Variants in CACNA1B observed in about 807,000 individuals in gnomAD.
CACNA1B encodes the protein calcium voltage-gated channel subunit alpha1 B, also known as voltage-dependent N-type calcium channel subunit alpha-1B.
CACNA1B carries 70 observed loss-of-function variants against 247.2 expected under a neutral mutation model. The observed-to-expected ratio is 0.28, with a 90% confidence interval of 0.23 to 0.35. CACNA1B has a LOEUF of 0.35. Ranked by LOEUF, CACNA1B falls within the 10% of genes least tolerant of loss-of-function variation. CACNA1B has a pLI of 1.00. For synonymous variants in CACNA1B, 1,231 were observed against 1,294.4 expected, an observed-to-expected ratio of 0.95 and a Z score of 1.05; for missense variants, 2,367 against 3,197.4, an observed-to-expected ratio of 0.74 and a Z score of 6.26.
At chr9:138,096,372 G>A in intron 36 of CACNA1B, 112 bp from the exon 37 acceptor site, 1 of 861,090 alleles carries the variant, frequency 1.2e-6, no homozygotes, top group Non-Finnish European at 1.9e-6. Flanking sequence ...GGTCAAATCA[G>A]AGTGACCCCT....
rs1360855628 is a variant in CACNA1B at position 138,059,969 on chromosome 9, C to G, written c.4668+232C>G. On this transcript the variant is annotated intron_variant, in intron 31 of 46. Transcript: ENST00000371372. This position sits in a 1 kb window ranked among gnomAD's most constrained non-coding sequence, Gnocchi z 4.2. ...CTCAAAGATCTTTTGGGCTGCTGGC[C>G]TGAGAGTTACCTGGAGCTCCATGGT... Among the ~76,000 whole-genome samples, 1 of 152,174 alleles carries G rather than the reference C, an allele frequency of 6.6e-6. No homozygotes were observed. Among genetic ancestry groups the G allele is most frequent in the East Asian group, 1.9e-4 (1 of 5,196 alleles).
Position 137,888,653 on chromosome 9 carries a change from G to C in CACNA1B, c.530+5770G>C, listed in dbSNP as rs779479597. ...AGAGCCCAGCTTTCTCCCTGGACCC[G>C]GCCTCCTGTGGGTTGAAGAGAGGGT... On this transcript the variant is annotated intron_variant, in intron 3 of 46. Coordinates refer to ENST00000371372, the MANE Select transcript of CACNA1B (RefSeq NM_000718.4). The surrounding 1 kb of genome is among the most constrained non-coding windows in gnomAD (Gnocchi z 4.7). Among the ~76,000 whole-genome samples, 2 of 152,172 alleles carry C rather than the reference G, an allele frequency of 1.3e-5. No homozygotes were observed. The highest frequency in any genetic ancestry group is 2.9e-5 in the Non-Finnish European group (2 of 68,024).
At chr9:137,929,512 G>A (rs1051693264) in intron 6 of CACNA1B, among the ~76,000 whole-genome samples, 9 of 152,064 alleles carry the variant, frequency 5.9e-5, no homozygotes, top group African/African-American at 2.2e-4. Context: ...CCAGGATAGC[G>A]CCACTGCACT....
intron 6 of CACNA1B, among the ~76,000 whole-genome samples, chr9:137,945,328 C>T (rs1183606921): frequency 6.6e-6 from 1 of 152,176 alleles, no homozygotes; most frequent in Non-Finnish European, 1.5e-5. Context: ...AAGTGGAGGT[C>T]CTACTAGGTG....
intron 31 of CACNA1B, among the ~76,000 whole-genome samples, chr9:138,063,268 A>G (rs1959797289): frequency 6.6e-6 from 1 of 152,224 alleles, no homozygotes; most frequent in Admixed American, 6.5e-5. Context: ...CAAGGTAGAA[A>G]GATCACTTCA....
Position 138,012,000 on chromosome 9 carries a change from GA to G in CACNA1B, c.2161-1127del. ...GTCTCAGCCGAGAACTATTGATCCG[GA>G]ACCCAGGTGCCGAGCATGTTGGTCT... is the stretch of plus-strand genomic sequence containing the variant. On this transcript the variant is annotated intron_variant, in intron 17 of 46. Transcript: ENST00000371372. This position sits in a 1 kb window ranked among gnomAD's most constrained non-coding sequence, Gnocchi z 4.2. 6.6e-6 allele frequency among the ~76,000 whole-genome samples: 1 copy of G among 152,212 alleles called. No homozygotes were observed. Among genetic ancestry groups the G allele is most frequent in the Admixed American group, 6.5e-5 (1 of 15,286 alleles).
intron 24 of CACNA1B, among the ~76,000 whole-genome samples, chr9:138,049,836 T>C (rs1959217711): frequency 6.6e-6 from 1 of 152,208 alleles, no homozygotes; most frequent in Non-Finnish European, 1.5e-5. Context: ...TTGGCCCTGC[T>C]GTGGCTGGAA....
rs778963606 is a variant in CACNA1B at position 138,121,419 on chromosome 9, T to C, written c.6490-50T>C. 1.0e-5 allele frequency: 3 copies of C among 294,370 alleles called. No individual in the cohort carries two copies. The highest frequency in any genetic ancestry group is 9.4e-6 in the Non-Finnish European group (2 of 212,306). 18.2% of individuals were successfully genotyped at this position (294,370 alleles called of 1,614,324 possible). The stretch of plus-strand genomic sequence containing the variant: ...ATGTGCTCTGTCTGTTGGTTCGGCT[T>C]TTTTTTTTTTTTTTTTACCTCTGAT... On this transcript the variant is annotated intron_variant, in intron 46 of 46. Coordinates refer to ENST00000371372, the MANE Select transcript of CACNA1B (RefSeq NM_000718.4). The surrounding 1 kb of genome is among the most constrained non-coding windows in gnomAD (Gnocchi z 6.8).
rs1435580250 is a variant in CACNA1B at position 137,888,390 on chromosome 9, C to T, written c.530+5507C>T. Reference sequence around the variant, plus strand: ...CAGGAAGCCCCTGTCAAGCCTCTGGCCCTGTGGGGCTGGTTGCACCTGGGG... The same window carrying T: ...CAGGAAGCCCCTGTCAAGCCTCTGGTCCTGTGGGGCTGGTTGCACCTGGGG... On this transcript the variant is annotated intron_variant, in intron 3 of 46. Transcript: ENST00000371372. This position sits in a 1 kb window ranked among gnomAD's most constrained non-coding sequence, Gnocchi z 4.7. 1.3e-5 allele frequency among the ~76,000 whole-genome samples: 2 copies of T among 152,152 alleles called. No individual in the cohort carries two copies. Among genetic ancestry groups the T allele is most frequent in the Admixed American group, 1.3e-4 (2 of 15,284 alleles).
chr9:138,051,429 A>C lies in CACNA1B; in HGVS notation c.3711-663A>C, dbSNP rs1174224847. Among the ~76,000 whole-genome samples the C allele has an allele frequency of 1.3e-5, 2 of 150,850 alleles. No individual in the cohort carries two copies. Among genetic ancestry groups the C allele is most frequent in the African/African-American group, 2.4e-5 (1 of 40,872 alleles). ...TCCTGTCTGCTGCTTTCTGGGTAGC[A>C]TTGATATGTCTGTCTCTATGGCTCT... On this transcript the variant is annotated intron_variant, in intron 24 of 46. Coordinates refer to ENST00000371372, the MANE Select transcript of CACNA1B (RefSeq NM_000718.4). The surrounding 1 kb of genome is among the most constrained non-coding windows in gnomAD (Gnocchi z 4.3).
intron 36 of CACNA1B, among the ~76,000 whole-genome samples, chr9:138,092,750 GACAGGCATAAGAAATTATAAAAGTATT>G (rs1206551286): frequency 2.0e-5 from 3 of 152,298 alleles, no homozygotes; most frequent in African/African-American, 7.2e-5. Flanking sequence ...TTGCAGTAAA[GACAGGCATAAGAAATTATAAAAGTATT>G]AATTTGGGGA....
chr9:138,090,536 A>G (rs1960840514), intron 36 of CACNA1B, among the ~76,000 whole-genome samples: 1 of 152,004 alleles, frequency 6.6e-6, no homozygotes, highest in African/African-American at 2.4e-5. Context: ...CAGGCAACCA[A>G]AGCACAAATA....
intron 10 of CACNA1B, among the ~76,000 whole-genome samples, chr9:137,965,874 T>C (rs1488053555): frequency 1.3e-5 from 2 of 152,230 alleles, no homozygotes; most frequent in East Asian, 3.8e-4. Context: ...TGAGCCACTG[T>C]GCCCAGCTCA....
At position 137,956,622 on chromosome 9, in the gene CACNA1B, C is replaced by T. The variant is rs1957952145; in HGVS notation, c.1187-149C>T. On this transcript the variant is annotated intron_variant, in intron 8 of 46. Transcript: ENST00000371372. ...TGAGCCGAGATTGTGCCACTGCACTCCAGCCTGGGTGACAGAGCGAGACTC... is the reference window on the plus strand; with the variant it reads ...TGAGCCGAGATTGTGCCACTGCACTTCAGCCTGGGTGACAGAGCGAGACTC... The T allele has an allele frequency of 7.3e-6, 4 of 548,324 alleles. No individual in the cohort carries two copies. In the East Asian group the frequency reaches 1.3e-4, roughly 18 times the overall value. 34.0% of individuals were successfully genotyped at this position (548,324 alleles called of 1,614,324 possible).
intron 6 of CACNA1B, among the ~76,000 whole-genome samples, chr9:137,945,718 A>G (rs1364346252): frequency 6.6e-6 from 1 of 152,284 alleles, no homozygotes; most frequent in Non-Finnish European, 1.5e-5. Flanking sequence ...AACATAAATT[A>G]TACAACATTT....
chr9:138,053,872 C>G lies in CACNA1B; in HGVS notation c.3834C>G (p.Ser1278=). ...LKAVFDCVVN[S]LKNVLNILIV... ...CTGTGTTTGACTGTGTGGTGAACTC[C>G]CTGAAGAATGTCCTCAACATCTTGA... The change falls in exon 26 of 47, where the codon TCC becomes TCG. Residue 1278 remains serine, a synonymous_variant. Coordinates refer to ENST00000371372, the MANE Select transcript of CACNA1B (RefSeq NM_000718.4). 1 of 1,613,516 alleles carries G rather than the reference C, an allele frequency of 6.2e-7. No homozygotes were observed. Among genetic ancestry groups the G allele is most frequent in the Non-Finnish European group, 8.5e-7 (1 of 1,179,498 alleles).
chr9:138,040,864 C>G (rs955426928), intron 20 of CACNA1B, among the ~76,000 whole-genome samples: 1 of 152,150 alleles, frequency 6.6e-6, no homozygotes, highest in African/African-American at 2.4e-5. Context: ...ATCAAGTTGA[C>G]GCTCAGTATT....
At chr9:137,977,911 C>T (rs915318865) in intron 12 of CACNA1B, among the ~76,000 whole-genome samples, 11 of 151,136 alleles carry the variant, frequency 7.3e-5, no homozygotes, top group Non-Finnish European at 7.4e-5. Context: ...GCACTACCCC[C>T]GCAGGAAGGA....
rs1270869728 is a variant in CACNA1B, at chr9:137,877,787, A to AGGC, written c.-137_-135dup. The AGGC allele has an allele frequency of 5.0e-5, 13 of 260,296 alleles. No homozygotes were observed. Among genetic ancestry groups the AGGC allele is most frequent in the East Asian group, 1.8e-4 (1 of 5,618 alleles). The allele number at this position is 260,296 out of a possible 1,614,324, so 16.1% of individuals were successfully genotyped here. ...TGGCGCGGGGCCGCGGAGTCGGGTG[A>AGGC]GGCGGCGGCGGCTGCGGCGGTGGGG... On this transcript the variant is annotated 5_prime_UTR_variant, in exon 1 of 47. Coordinates refer to ENST00000371372, the MANE Select transcript of CACNA1B (RefSeq NM_000718.4).
Sources: gnomAD v4.1 joint callset for allele counts (sites outside exome capture counted in the v4.1 genomes callset) on GRCh38, gnomAD v4.1.1 for gene constraint, Gnocchi (gnomAD v3.1) non-coding constraint, MANE v1.5 for transcripts, NCBI Gene and HGNC (gene_info 2026-07-23, HGNC 2026-07-21) for gene names.